Variants in R3HDM1 observed in about 807,000 individuals in gnomAD.
R3HDM1 encodes the protein R3H domain-containing protein 1.
Under a neutral mutation model 141.1 loss-of-function variants are expected in R3HDM1, and 46 were observed. The observed-to-expected ratio is 0.33, with a 90% CI of 0.26 to 0.42. The LOEUF is 0.42. Among genes scored for constraint, R3HDM1 ranks in the 10% least tolerant of loss-of-function variants. The pLI is 1.00. For missense variants in R3HDM1, 1,184 were observed against 1,368.3 expected (o/e 0.87, Z 2.12); for synonymous variants, 435 against 472.9 (o/e 0.92, Z 1.04).
At chr2:135,670,121 A>T (rs908228590) in intron 19 of R3HDM1, 19 of 203,620 alleles carry the variant, frequency 9.3e-5, no homozygotes, top group Non-Finnish European at 1.4e-4. Context: ...CAGAGCAGAC[A>T]GAGCAAGACT....
intron 1 of R3HDM1, chr2:135,533,974 A>G (rs368194256): frequency 1.0e-6 from 1 of 984,426 alleles, no homozygotes; most frequent in Non-Finnish European, 1.2e-6. Context: ...ATTTTCATGC[A>G]TATTTAGAGA....
At chr2:135,584,798 T>C (rs1305203988) in intron 1 of R3HDM1, among the ~76,000 whole-genome samples, 1 of 152,222 alleles carries the variant, frequency 6.6e-6, no homozygotes, top group Non-Finnish European at 1.5e-5. Flanking sequence ...GTAGAAAATA[T>C]TCATTTGTTT....
rs151247970 is a variant in R3HDM1 at position 135,688,478 on chromosome 2, A to AT, written c.2459+8164dup. On this transcript the variant is annotated intron_variant, in intron 21 of 26. Coordinates refer to ENST00000683871, the MANE Select transcript of R3HDM1 (RefSeq NM_001378107.1). The stretch of plus-strand genomic sequence containing the variant: ...TGAGTTTATCTTCCTGTTTTGGGGG[A>AT]TTTTTTTTTTCCTTTCTCTTGGCTT... 2.7e-3 allele frequency among the ~76,000 whole-genome samples: 407 copies of AT among 149,952 alleles called. 1 individual carries two copies. Among genetic ancestry groups the AT allele is most frequent in the Middle Eastern group, 6.8e-3 (2 of 294 alleles).
chr2:135,697,773 G>A (rs1261992349), intron 21 of R3HDM1, among the ~76,000 whole-genome samples: 1 of 152,114 alleles, frequency 6.6e-6, no homozygotes, highest in Non-Finnish European at 1.5e-5. Context: ...GTAAGTACTG[G>A]TTGGACAAAG....
intron 24 of R3HDM1, among the ~76,000 whole-genome samples, chr2:135,716,528 A>T (rs11679508): frequency 0.51 from 77,480 of 152,088 alleles, 24,486 homozygotes; most frequent in Non-Finnish European, 0.73. Flanking sequence ...AAAGATTTAT[A>T]TACAGAAGAG....
chr2:135,699,049 T>TTAGAC (rs2073819155), intron 21 of R3HDM1, among the ~76,000 whole-genome samples: 3 of 131,042 alleles, frequency 2.3e-5, no homozygotes, highest in African/African-American at 3.7e-5. Context: ...ATAGATAAGA[T>TTAGAC]AGATAAGATA....
chr2:135,686,835 G>A (rs2071428613), intron 21 of R3HDM1, among the ~76,000 whole-genome samples: 1 of 152,180 alleles, frequency 6.6e-6, no homozygotes, highest in Middle Eastern at 3.2e-3. Context: ...GAACCTTGAG[G>A]ACATTATGTT....
intron 1 of R3HDM1, among the ~76,000 whole-genome samples, chr2:135,539,059 C>T (rs917582020): frequency 6.6e-6 from 1 of 152,090 alleles, no homozygotes. Flanking sequence ...GTATCTTGTC[C>T]CACCGGAAGG....
intron 21 of R3HDM1, among the ~76,000 whole-genome samples, chr2:135,681,645 G>C (rs1351199602): frequency 1.3e-5 from 2 of 152,074 alleles, no homozygotes; most frequent in Non-Finnish European, 2.9e-5. Flanking sequence ...GCAGAAAATG[G>C]CGTTAGCATG....
At chr2:135,541,709 T>C (rs1697554033) in intron 1 of R3HDM1, among the ~76,000 whole-genome samples, 1 of 152,036 alleles carries the variant, frequency 6.6e-6, no homozygotes, top group African/African-American at 2.4e-5. Context: ...CAGATCACCA[T>C]CACCAGACAT....
intron 21 of R3HDM1, among the ~76,000 whole-genome samples, chr2:135,691,389 G>A (rs1048548881): frequency 1.1e-4 from 16 of 152,278 alleles, no homozygotes; most frequent in African/African-American, 3.8e-4. Flanking sequence ...CAAGGTGAGT[G>A]GATCGCTTGA....
intron 1 of R3HDM1, among the ~76,000 whole-genome samples, chr2:135,538,715 G>A (rs994001051): frequency 6.6e-6 from 1 of 152,176 alleles, no homozygotes; most frequent in African/African-American, 2.4e-5. Flanking sequence ...CTGGATTCAA[G>A]CGATTCTTCT....
chr2:135,603,387 CG>C (rs1352566409), intron 2 of R3HDM1, among the ~76,000 whole-genome samples: 2 of 152,038 alleles, frequency 1.3e-5, no homozygotes, highest in Non-Finnish European at 2.9e-5. Flanking sequence ...GTTTCCCCCC[CG>C]CCACAAGATT....
At chr2:135,558,835 G>A (rs1314347541) in intron 1 of R3HDM1, among the ~76,000 whole-genome samples, 2 of 152,110 alleles carry the variant, frequency 1.3e-5, no homozygotes, top group Non-Finnish European at 2.9e-5. Flanking sequence ...GATTTGGTCA[G>A]TATTTTGTTT....
At chr2:135,677,953 C>T (rs936719510) in intron 20 of R3HDM1, among the ~76,000 whole-genome samples, 1 of 151,724 alleles carries the variant, frequency 6.6e-6, no homozygotes, top group African/African-American at 2.4e-5. Flanking sequence ...CTCTCTCCCC[C>T]TCCCTCCCTC....
At chr2:135,534,962 A>G (rs1174142481) in intron 1 of R3HDM1, among the ~76,000 whole-genome samples, 1 of 152,222 alleles carries the variant, frequency 6.6e-6, no homozygotes, top group African/African-American at 2.4e-5. Context: ...AGAATATTAC[A>G]GTGATAAACA....
In R3HDM1 at chr2:135,616,098, G is replaced by A; in HGVS notation, c.172-54G>A. On this transcript the variant is annotated intron_variant, in intron 3 of 26. Coordinates refer to ENST00000683871, the MANE Select transcript of R3HDM1 (RefSeq NM_001378107.1). ...GTGGTTTAGGACTATGAATTAAGAA[G>A]CAAATTTTCTGTTTCAGTATGAAAT... 3 of 1,542,726 alleles carry A rather than the reference G, an allele frequency of 1.9e-6. No homozygotes were observed. The South Asian group carries it at 3.4e-5, about 17-fold the overall frequency.
intron 1 of R3HDM1, among the ~76,000 whole-genome samples, chr2:135,552,282 G>C (rs950114331): frequency 6.6e-6 from 1 of 151,780 alleles, no homozygotes; most frequent in African/African-American, 2.4e-5. Context: ...TGCAACCTCT[G>C]CCTCCCGAGT....
At chr2:135,641,923 C>T (rs1422254228) in intron 15 of R3HDM1, 133 bp downstream of exon 15, 2 of 1,137,956 alleles carry the variant, frequency 1.8e-6, no homozygotes, top group Non-Finnish European at 1.2e-6. Context: ...AACTTTATAA[C>T]AAAAACACTT....
Sources: allele counts gnomAD v4.1 joint callset (sites outside exome capture counted in the v4.1 genomes callset), GRCh38; gene constraint gnomAD v4.1.1; transcripts MANE v1.5; gene names NCBI Gene and HGNC (gene_info 2026-07-23, HGNC 2026-07-21).